Variants in ITSN2 observed in about 807,000 individuals in gnomAD.
ITSN2 encodes intersectin-2.
ITSN2 carries 156 observed loss-of-function variants against 243.7 expected under a neutral mutation model. The observed-to-expected ratio is 0.64, with a 90% CI of 0.56 to 0.73. ITSN2 has a LOEUF of 0.73. Ranked by LOEUF, ITSN2 falls within the 30% of genes least tolerant of loss-of-function variation. The pLI is 0.00. For synonymous variants in ITSN2, 703 were observed against 699.9 expected (o/e 1.00, Z -0.07); for missense variants, 1,801 against 1,996.1 (o/e 0.90, Z 1.86).
intron 15 of ITSN2, among the ~76,000 whole-genome samples, chr2:24,290,121 T>C (rs1680066936): frequency 6.6e-6 from 1 of 152,238 alleles, no homozygotes; most frequent in African/African-American, 2.4e-5. Context: ...ATGCACACTT[T>C]AAATTCTGAC....
At chr2:24,266,056 G>A (rs1440073284) in intron 20 of ITSN2, among the ~76,000 whole-genome samples, 1 of 152,094 alleles carries the variant, frequency 6.6e-6, no homozygotes, top group African/African-American at 2.4e-5. Flanking sequence ...TTATGAAGGC[G>A]CTTTGGAAAC....
chr2:24,213,343 GC>G (rs371102300), intron 32 of ITSN2, among the ~76,000 whole-genome samples: 1 of 152,162 alleles, frequency 6.6e-6, no homozygotes, highest in Non-Finnish European at 1.5e-5. Flanking sequence ...CAGGCCCAGG[GC>G]CCACATCCTA....
intron 1 of ITSN2, among the ~76,000 whole-genome samples, chr2:24,342,540 G>A (rs539298693): frequency 2.9e-4 from 43 of 147,904 alleles, no homozygotes; most frequent in Non-Finnish European, 5.1e-4. Context: ...CCTTGATCTC[G>A]TAGGCCCTCA....
chr2:24,355,618 ACCATAAAAC>A (rs1688374654), intron 1 of ITSN2, among the ~76,000 whole-genome samples: 1 of 152,272 alleles, frequency 6.6e-6, no homozygotes, highest in Non-Finnish European at 1.5e-5. Context: ...AAAATCCAAA[ACCATAAAAC>A]CCTAGAAGAA....
At chr2:24,242,597 T>G (rs1273357500) in intron 29 of ITSN2, among the ~76,000 whole-genome samples, 1 of 152,192 alleles carries the variant, frequency 6.6e-6, no homozygotes, top group African/African-American at 2.4e-5. Flanking sequence ...ACAATTAACA[T>G]TAATCTTCAT....
At chr2:24,334,662 A>C in intron 1 of ITSN2, 1 of 1,512,676 alleles carries the variant, frequency 6.6e-7, no homozygotes, top group East Asian at 2.3e-5. Context: ...TATGGTGGGC[A>C]AACTAAGCTG....
chr2:24,299,882 T>C, intron 12 of ITSN2, 27 bp downstream of exon 12: 20 of 1,540,752 alleles, frequency 1.3e-5, no homozygotes, highest in Non-Finnish European at 1.8e-5. Context: ...AATGATTTTC[T>C]TAAGAAGTAA....
At position 24,212,816 on chromosome 2, in the gene ITSN2, C is replaced by T. The variant is rs759654667; in HGVS notation, c.3991-68G>A. The stretch of plus-strand genomic sequence containing the variant: ...ATCACAGGAAGCACTGGTCTTTGAT[C>T]GCCTTTTAGATTTCACATTTCTTTT... On this transcript the variant is annotated intron_variant, in intron 32 of 39. Transcript: ENST00000355123. 7.2e-5 allele frequency: 88 copies of T among 1,224,216 alleles called. No homozygotes were observed. The Middle Eastern group carries it at 1.3e-3, about 18-fold the overall frequency. 75.8% of individuals were successfully genotyped at this position (1,224,216 alleles called of 1,614,324 possible).
rs1277630089 is a variant in ITSN2, at chr2:24,245,389, G to A, written c.3577+740C>T. ...CCAACATGGATGATATGTAAACAGC[G>A]AGAAATAAATGAGAAGGTTAGAAAT... On this transcript the variant is annotated intron_variant, in intron 29 of 39. Coordinates refer to ENST00000355123, the MANE Select transcript of ITSN2 (RefSeq NM_006277.3). Among the ~76,000 whole-genome samples, 5 of 152,066 alleles carry A rather than the reference G, an allele frequency of 3.3e-5. No individual in the cohort carries two copies. In the East Asian group the frequency reaches 7.7e-4, roughly 24 times the overall value.
intron 1 of ITSN2, among the ~76,000 whole-genome samples, chr2:24,349,929 G>A (rs563237918): frequency 1.3e-5 from 2 of 152,214 alleles, no homozygotes; most frequent in Non-Finnish European, 2.9e-5. Context: ...CACTGATGTA[G>A]TGAAAATATC....
chr2:24,258,957 A>C (rs1404650275), intron 22 of ITSN2, among the ~76,000 whole-genome samples: 3 of 151,960 alleles, frequency 2.0e-5, no homozygotes, highest in Non-Finnish European at 4.4e-5. Flanking sequence ...CTTTTCCCTT[A>C]CTGTTCCACA....
intron 29 of ITSN2, among the ~76,000 whole-genome samples, chr2:24,224,890 G>A (rs1445494077): frequency 6.6e-6 from 1 of 152,140 alleles, no homozygotes; most frequent in African/African-American, 2.4e-5. Context: ...TCGGCCTCTC[G>A]AAGTGCTGGG....
In ITSN2 at chr2:24,220,944, C is replaced by T. The variant is rs1670390911; in HGVS notation, c.3699+1G>A. On this transcript the variant is annotated splice_donor_variant, in intron 30 of 39. Transcript: ENST00000355123. LOFTEE classifies it high-confidence loss of function. ...GAGCTAGCCAGCAGCAGCCTCCTCA[C>T]CTCGACGACGAGCTGAAGGTCAGCC... The T allele has an allele frequency of 6.3e-7, 1 of 1,596,718 alleles. No homozygotes were observed. The highest frequency in any genetic ancestry group is 8.5e-7 in the Non-Finnish European group (1 of 1,172,598).
At chr2:24,276,378 G>A (rs1678017091) in intron 17 of ITSN2, among the ~76,000 whole-genome samples, 2 of 152,042 alleles carry the variant, frequency 1.3e-5, no homozygotes, top group Non-Finnish European at 2.9e-5. Context: ...TTCCAAACAG[G>A]AGTTGAAATA....
intron 1 of ITSN2, among the ~76,000 whole-genome samples, chr2:24,342,757 T>A (rs912678768): frequency 2.0e-4 from 30 of 151,534 alleles, no homozygotes; most frequent in Admixed American, 1.3e-3. Flanking sequence ...GAGTAACTAG[T>A]GTGGTCTGGA....
chr2:24,329,012 A>C (rs1426655352), intron 1 of ITSN2, among the ~76,000 whole-genome samples: 3 of 152,208 alleles, frequency 2.0e-5, no homozygotes, highest in Admixed American at 2.0e-4. Flanking sequence ...GACCATGGAA[A>C]AGTTATTTAA....
intron 7 of ITSN2, 114 bp from the exon 8 acceptor site, chr2:24,308,870 C>G (rs1022414671): frequency 1.4e-6 from 1 of 709,400 alleles, no homozygotes; most frequent in African/African-American, 1.8e-5. Context: ...AACCCCCGGG[C>G]CACCGACCTG....
chr2:24,340,048 A>G lies in ITSN2; in HGVS notation c.-33-11933T>C, dbSNP rs183849693. On this transcript the variant is annotated intron_variant, in intron 1 of 39. Coordinates refer to ENST00000355123, the MANE Select transcript of ITSN2 (RefSeq NM_006277.3). The stretch of plus-strand genomic sequence containing the variant: ...GAGACAGTGTCTCTAAAATAAAATA[A>G]TGTAAAAAAAAACAAGTAGAAGCCA... 4.5e-4 allele frequency among the ~76,000 whole-genome samples: 69 copies of G among 152,122 alleles called. No individual in the cohort carries two copies. In the East Asian group the frequency reaches 0.012, roughly 27 times the overall value.
Position 24,259,124 on chromosome 2 carries a change from T to C in ITSN2, c.2683-1031A>G, listed in dbSNP as rs186161634. On this transcript the variant is annotated intron_variant, in intron 22 of 39. Transcript: ENST00000355123. ...ACACATAGCTTAAACTTAGCATGGCTGAAACATAATCATTTTTAGAACCTA... is the reference window on the plus strand; with the variant it reads ...ACACATAGCTTAAACTTAGCATGGCCGAAACATAATCATTTTTAGAACCTA... Among the ~76,000 whole-genome samples, 2 of 152,330 alleles carry C rather than the reference T, an allele frequency of 1.3e-5. 1 individual carries two copies. Among genetic ancestry groups the C allele is most frequent in the East Asian group, 3.9e-4 (2 of 5,192 alleles).
Sources: gnomAD v4.1 joint callset for allele counts (sites outside exome capture counted in the v4.1 genomes callset) on GRCh38, gnomAD v4.1.1 for gene constraint, MANE v1.5 for transcripts, NCBI Gene and HGNC (gene_info 2026-07-23, HGNC 2026-07-21) for gene names.